PKNOX2: variants seen among roughly 807,000 people sequenced by gnomAD.
The protein encoded by PKNOX2 is PBX/knotted 1 homeobox 2, also known as homeobox protein PKNOX2.
PKNOX2 carries 14 observed loss-of-function variants against 53.1 expected under a neutral mutation model. The ratio of observed to expected loss-of-function variants is 0.26; its 90% CI spans 0.17 to 0.41. PKNOX2 has a LOEUF of 0.41. Among genes scored for constraint, PKNOX2 ranks in the 10% least tolerant of loss-of-function variants. The probability of loss-of-function intolerance (pLI) is 1.00; values close to 1 mark genes in which losing one functional copy is unlikely to be tolerated. For missense variants in PKNOX2, 496 were observed against 602.8 expected (o/e 0.82, Z 1.85); for synonymous variants, 257 against 242.8 (o/e 1.06, Z -0.54).
chr11:125,249,875 G>T (rs1384667901), intron 2 of PKNOX2, among the ~76,000 whole-genome samples: 1 of 152,098 alleles, frequency 6.6e-6, no homozygotes, highest in African/African-American at 2.4e-5. Flanking sequence ...TTCAAGACCA[G>T]CTTGATCAAC....
intron 2 of PKNOX2, among the ~76,000 whole-genome samples, chr11:125,294,902 C>T (rs1302557970): frequency 6.6e-6 from 1 of 152,194 alleles, no homozygotes; most frequent in East Asian, 1.9e-4. Flanking sequence ...AAGGGTGAGG[C>T]ATGACTGTGC....
At chr11:125,357,269 A>G (rs981622556) in intron 4 of PKNOX2, among the ~76,000 whole-genome samples, 6 of 152,064 alleles carry the variant, frequency 3.9e-5, no homozygotes, top group African/African-American at 1.2e-4. Context: ...CTGAACTCCA[A>G]CTTACTCAAG....
intron 3 of PKNOX2, among the ~76,000 whole-genome samples, chr11:125,335,148 T>C (rs567917781): frequency 6.6e-6 from 1 of 152,330 alleles, no homozygotes; most frequent in East Asian, 1.9e-4. Context: ...GGAAGGGCGA[T>C]GTGGTCTGAT....
intron 2 of PKNOX2, among the ~76,000 whole-genome samples, chr11:125,243,725 C>T (rs964058418): frequency 6.6e-6 from 1 of 151,854 alleles, no homozygotes; most frequent in Non-Finnish European, 1.5e-5. Context: ...TTGGTTCATG[C>T]CGTTCTCCTG....
At chr11:125,199,795 C>T (rs764313294) in intron 1 of PKNOX2, among the ~76,000 whole-genome samples, 1 of 152,144 alleles carries the variant, frequency 6.6e-6, no homozygotes, top group Non-Finnish European at 1.5e-5. Flanking sequence ...TGCGGTGAGC[C>T]GAGATTGCAC....
At chr11:125,293,893 C>T (rs1190779142) in intron 2 of PKNOX2, among the ~76,000 whole-genome samples, 9 of 152,122 alleles carry the variant, frequency 5.9e-5, no homozygotes, top group Non-Finnish European at 1.0e-4. Context: ...TTACCGCTTA[C>T]TCAAATGTCT....
intron 2 of PKNOX2, among the ~76,000 whole-genome samples, chr11:125,244,589 C>T (rs1278559101): frequency 6.6e-6 from 1 of 152,236 alleles, no homozygotes; most frequent in Non-Finnish European, 1.5e-5. Context: ...GCAGCCTCAG[C>T]AAAGTGCCAG....
intron 5 of PKNOX2, among the ~76,000 whole-genome samples, chr11:125,379,055 C>CTTTTTTTTTTTTTTTTTTT (rs35310311): frequency 8.0e-6 from 1 of 124,442 alleles, no homozygotes; most frequent in Non-Finnish European, 1.7e-5. Context: ...TTTTCTTTCT[C>CTTTTTTTTTTTTTTTTTTT]TTTTTTTTTT....
In PKNOX2 at chr11:125,352,614, G is replaced by A. The variant is rs1002783806; in HGVS notation, c.87+1222G>A. ...TTTATACATCATTGTCATCCTCTGG[G>A]AGATTACCAGATGCTGTGGGGCTTC... On this transcript the variant is annotated intron_variant, in intron 4 of 12. Transcript: ENST00000298282. This position sits in a 1 kb window ranked among gnomAD's most constrained non-coding sequence, Gnocchi z 4.1. Among the ~76,000 whole-genome samples the A allele has an allele frequency of 6.6e-6, 1 of 152,144 alleles. No homozygotes were observed. Among genetic ancestry groups the A allele is most frequent in the Non-Finnish European group, 1.5e-5 (1 of 68,038 alleles).
intron 1 of PKNOX2, among the ~76,000 whole-genome samples, chr11:125,207,832 C>T (rs1451309802): frequency 6.6e-6 from 1 of 151,984 alleles, no homozygotes; most frequent in African/African-American, 2.4e-5. Flanking sequence ...AGGAGGAGGC[C>T]TCTGGTTGTC....
At chr11:125,430,765 A>AAC (rs71811657) in intron 12 of PKNOX2, among the ~76,000 whole-genome samples, 7 of 151,468 alleles carry the variant, frequency 4.6e-5, no homozygotes, top group Non-Finnish European at 8.8e-5. Context: ...TGGGAAAAAA[A>AAC]AAAACAGATT....
chr11:125,265,422 A>C (rs757233210), intron 2 of PKNOX2, among the ~76,000 whole-genome samples: 22 of 152,212 alleles, frequency 1.4e-4, no homozygotes, highest in Non-Finnish European at 8.8e-5. Flanking sequence ...CCTCTGCAAG[A>C]GGTTCCAAGG....
At position 125,204,064 on chromosome 11, in the gene PKNOX2, G is replaced by A. The variant is rs1324831699; in HGVS notation, c.-200-30981G>A. On this transcript the variant is annotated intron_variant, in intron 1 of 12. Transcript: ENST00000298282. ...TGTGGAGAGGGGGGAGGCAGGGAGA[G>A]AGGTTCGACCTAGAAAGCAAATTTC... 6.6e-5 allele frequency among the ~76,000 whole-genome samples: 10 copies of A among 152,286 alleles called. No individual in the cohort carries two copies. The East Asian group carries it at 1.7e-3, about 26-fold the overall frequency.
chr11:125,233,532 G>T (rs1267699536), intron 1 of PKNOX2, among the ~76,000 whole-genome samples: 1 of 152,194 alleles, frequency 6.6e-6, no homozygotes, highest in Middle Eastern at 3.2e-3. Flanking sequence ...TGGGCACTCT[G>T]CTAGGTTCTG....
intron 2 of PKNOX2, among the ~76,000 whole-genome samples, chr11:125,287,549 TCTTTAGCTGGGGCAGTCACTCC>T: frequency 6.6e-6 from 1 of 152,206 alleles, no homozygotes; most frequent in East Asian, 1.9e-4. Context: ...TCCTCTTCCG[TCTTTAGCTGGGGCAGTCACTCC>T]CTCCCAGCTC....
intron 2 of PKNOX2, among the ~76,000 whole-genome samples, chr11:125,255,351 T>C (rs964246085): frequency 1.3e-5 from 2 of 152,272 alleles, no homozygotes; most frequent in Non-Finnish European, 2.9e-5. Flanking sequence ...CTCGCTCATA[T>C]CATGAGGTTG....
intron 2 of PKNOX2, among the ~76,000 whole-genome samples, chr11:125,249,428 T>C (rs1458412334): frequency 6.6e-6 from 1 of 152,202 alleles, no homozygotes; most frequent in Non-Finnish European, 1.5e-5. Context: ...CAACAGCAGA[T>C]GAAAAATATT....
At chr11:125,186,015 T>G (rs1591473349) in intron 1 of PKNOX2, among the ~76,000 whole-genome samples, 1 of 151,806 alleles carries the variant, frequency 6.6e-6, no homozygotes, top group African/African-American at 2.4e-5. Flanking sequence ...AATCTCAATT[T>G]TTTTCACATG....
intron 5 of PKNOX2, among the ~76,000 whole-genome samples, chr11:125,369,640 G>C (rs1300744869): frequency 6.6e-6 from 1 of 152,180 alleles, no homozygotes; most frequent in African/African-American, 2.4e-5. Context: ...GGTCCTAAAG[G>C]TTGAGTAACA....
Sources: gnomAD v4.1 joint callset for allele counts (sites outside exome capture counted in the v4.1 genomes callset) on GRCh38, gnomAD v4.1.1 for gene constraint, Gnocchi (gnomAD v3.1) non-coding constraint, MANE v1.5 for transcripts, NCBI Gene and HGNC (gene_info 2026-07-23, HGNC 2026-07-21) for gene names.